The following PER2 variants were observed in gnomAD, a reference collection of about 807,000 sequenced individuals.
The protein encoded by PER2 is period circadian protein homolog 2.
A neutral mutation model predicts 121.0 loss-of-function variants in PER2; 66 were observed. The ratio of observed to expected loss-of-function variants is 0.55; its 90% CI spans 0.45 to 0.67. PER2 has a LOEUF of 0.67. PER2 is among the 30% of genes least tolerant of loss of function. The pLI, the probability that PER2 is intolerant of heterozygous loss-of-function variation, is 0.00. For synonymous variants in PER2, 684 were observed against 659.9 expected, an observed-to-expected ratio of 1.04 and a Z score of -0.56; for missense variants, 1,521 against 1,635.0, an observed-to-expected ratio of 0.93 and a Z score of 1.20.
rs765748526 is a variant in PER2, at chr2:238,257,105, G to A, written c.1901-19C>T. 5 of 1,607,552 alleles carry A rather than the reference G, an allele frequency of 3.1e-6. No individual in the cohort carries two copies. The highest frequency in any genetic ancestry group is 4.2e-6 in the Non-Finnish European group (5 of 1,179,192). On this transcript the variant is annotated intron_variant, in intron 16 of 22. Coordinates refer to ENST00000254657, the MANE Select transcript of PER2 (RefSeq NM_022817.3). ...TCTGCCTCTTCATGAGAGGAAGGGG[G>A]AACAAACATTAGTGTGTCATTACAA...
In PER2 at chr2:238,275,789, C is replaced by A; in HGVS notation, c.402G>T (p.Thr134=). The change falls in exon 4 of 23, where the codon ACG becomes ACT. Residue 134 remains threonine, a synonymous_variant. Coordinates refer to ENST00000254657, the MANE Select transcript of PER2 (RefSeq NM_022817.3). Reference sequence around the variant, plus strand: ...TGAGGGCGTACTTCAAGGTGGCCAGCGTACTGGCCTTGCCCTTGGCCTTCT... The same window carrying A: ...TGAGGGCGTACTTCAAGGTGGCCAGAGTACTGGCCTTGCCCTTGGCCTTCT... ...ADKKAKGKAS[T]LATLKYALRS... 1 of 1,614,052 alleles carries A rather than the reference C, an allele frequency of 6.2e-7. No homozygotes were observed. Among genetic ancestry groups the A allele is most frequent in the Admixed American group, 1.7e-5 (1 of 60,038 alleles).
chr2:238,293,983 G>A (rs528779566), upstream of PER2, among the ~76,000 whole-genome samples: 2 of 152,116 alleles, frequency 1.3e-5, no homozygotes, highest in Admixed American at 6.5e-5. Context: ...ACCCCTCACT[G>A]TCCTGAAGGA....
chr2:238,256,004 G>T (rs1319652039), intron 17 of PER2, 93 bp from the exon 18 acceptor site: 9 of 1,472,106 alleles, frequency 6.1e-6, no homozygotes, highest in Non-Finnish European at 8.5e-6. Flanking sequence ...AATCATTCAC[G>T]TATAAAGTAA....
chr2:238,260,507 C>T (rs1231483196), intron 13 of PER2, among the ~76,000 whole-genome samples: 4 of 152,196 alleles, frequency 2.6e-5, no homozygotes, highest in African/African-American at 9.6e-5. Context: ...CCGCCTGCCT[C>T]GGCCTTCCAA....
chr2:238,257,560 G>A (rs1410008368), intron 16 of PER2, among the ~76,000 whole-genome samples: 2 of 152,166 alleles, frequency 1.3e-5, no homozygotes, highest in African/African-American at 2.4e-5. Flanking sequence ...TGCAACCTCC[G>A]CCTGCCAGGT....
chr2:238,299,733 C>G, the PER2 span: 1 of 152,222 alleles, frequency 6.6e-6, no homozygotes, highest in Non-Finnish European at 1.5e-5. Flanking sequence ...TTCTCAGAAG[C>G]CTCCAAGCCA....
In PER2 at chr2:238,249,298, T is replaced by A. The variant is rs182346317; in HGVS notation, c.3468-86A>T. On this transcript the variant is annotated intron_variant, in intron 21 of 22. Transcript: ENST00000254657. ...TCTTTCAGAATAATGTAGTTTTAGA[T>A]GATTTTGTTTAATGCAAATTTCCTT... 13 of 1,390,252 alleles carry A rather than the reference T, an allele frequency of 9.4e-6. No homozygotes were observed. In the African/African-American group the frequency reaches 1.7e-4, roughly 19 times the overall value. The allele number at this position is 1,390,252 out of a possible 1,614,324, so 86.1% of individuals were successfully genotyped here. A position where few individuals can be genotyped will look rare whatever the true frequency, so the allele number is the denominator to read the frequency against.
In PER2 at chr2:238,246,478, G is replaced by A; in HGVS notation, c.3665C>T (p.Pro1222Leu). Residue 1222 changes from proline to leucine, a missense_variant, in exon 23 of 23, where the codon CCA becomes CTA. Physicochemically the swap from Pro to Leu is moderately conservative, Grantham distance 98. Transcript: ENST00000254657. ...ENKEKGNICI[P>L]YEEDIPSLGL... ...CAGAGAAGGAATATCTTCCTCATAT[G>A]GTATGCAAATATTACCTTTTTCCTT... The A allele has an allele frequency of 6.3e-7, 1 of 1,590,914 alleles. No homozygotes were observed. Among genetic ancestry groups the A allele is most frequent in the Non-Finnish European group, 8.6e-7 (1 of 1,159,024 alleles).
chr2:238,249,301 TTTTG>T (rs1695536187), intron 21 of PER2, 89 bp from the exon 22 acceptor site: 9 of 1,358,298 alleles, frequency 6.6e-6, no homozygotes, highest in Middle Eastern at 2.4e-4. Flanking sequence ...TTTTAGATGA[TTTTG>T]TTTAATGCAA....
chr2:238,266,434 C>G (rs4663299), intron 8 of PER2, among the ~76,000 whole-genome samples: 16,571 of 152,060 alleles, frequency 0.11, 944 homozygotes, highest in South Asian at 0.14. Context: ...ATTCAGATTT[C>G]TTAGCAAATG....
At chr2:238,256,833 C>A in intron 17 of PER2, 89 bp downstream of exon 17, 1 of 1,344,374 alleles carries the variant, frequency 7.4e-7, no homozygotes. Flanking sequence ...TGGAGTTCTT[C>A]TGCACTTAGA....
In PER2 at chr2:238,244,618, TAC is replaced by T. The variant is rs1368392030; in HGVS notation, c.*1755_*1756del. ...TATCATAGGCATAGGCAGCTGATGTTACTTTGTAAATTAACGAAAAATTAAAG... is the reference window on the plus strand; with the variant it reads ...TATCATAGGCATAGGCAGCTGATGTTTTTGTAAATTAACGAAAAATTAAAG... On this transcript the variant is annotated 3_prime_UTR_variant, in exon 23 of 23. Transcript: ENST00000254657. The T allele has an allele frequency of 2.0e-5, 3 of 152,250 alleles. No homozygotes were observed. The highest frequency in any genetic ancestry group is 7.2e-5 in the African/African-American group (3 of 41,460). The allele number at this position is 152,250 out of a possible 1,614,324, so 9.4% of individuals were successfully genotyped here.
In PER2 at chr2:238,246,533, A is replaced by G; in HGVS notation, c.3619-9T>C. ...TCACAGTAAACACATTCCTTAAAAG[A>G]AAAAAAAAGAGAAATCAGTAACAAA... is the stretch of plus-strand genomic sequence containing the variant. On this transcript the variant is annotated splice_polypyrimidine_tract_variant and intron_variant, in intron 22 of 22. Transcript: ENST00000254657. 6.7e-7 allele frequency: 1 copy of G among 1,493,720 alleles called. No individual in the cohort carries two copies. Among genetic ancestry groups the G allele is most frequent in the East Asian group, 2.3e-5 (1 of 43,482 alleles). The allele number at this position is 1,493,720 out of a possible 1,614,324, so 92.5% of individuals were successfully genotyped here.
At chr2:238,295,783 T>C in the PER2 span, 1 of 165,756 alleles carries the variant, frequency 6.0e-6, no homozygotes, top group Non-Finnish European at 1.3e-5. Context: ...CCCTACCCAC[T>C]CCCCAGGCCA....
intron 20 of PER2, among the ~76,000 whole-genome samples, chr2:238,251,244 A>G (rs1333845238): frequency 6.6e-6 from 1 of 152,264 alleles, no homozygotes; most frequent in Admixed American, 6.5e-5. Context: ...GAAAGATCCC[A>G]GCGGGTAGAG....
intron 1 of PER2, among the ~76,000 whole-genome samples, chr2:238,287,079 C>G (rs1474260409): frequency 6.6e-6 from 1 of 152,190 alleles, no homozygotes; most frequent in African/African-American, 2.4e-5. Context: ...AACTGAGGCC[C>G]AGACTGGGAG....
chr2:238,268,267 C>A lies in PER2; in HGVS notation c.825-69G>T. On this transcript the variant is annotated intron_variant, in intron 7 of 22. Transcript: ENST00000254657. The surrounding 1 kb of genome is among the most constrained non-coding windows in gnomAD (Gnocchi z 4.0). ...GAACAGTCCCCTGTTCTGTTCCCTC[C>A]TCACCTGGGCCCCATGCCATGCTGC... 6.6e-7 allele frequency: 1 copy of A among 1,508,332 alleles called. No homozygotes were observed. 93.4% of individuals were successfully genotyped at this position (1,508,332 alleles called of 1,614,324 possible).
chr2:238,249,345 T>C, intron 21 of PER2, 133 bp from the exon 22 acceptor site: 1 of 835,970 alleles, frequency 1.2e-6, no homozygotes, highest in Non-Finnish European at 1.9e-6. Context: ...AATTTTCATT[T>C]AAGGTAACTT....
At chr2:238,255,007 C>CA (rs11450786) in intron 18 of PER2, 9,243 of 153,998 alleles carry the variant, frequency 0.06, 971 homozygotes, top group African/African-American at 0.21. Flanking sequence ...GGCCCCATCT[C>CA]TAACAAGTGT....
Sources: gnomAD v4.1 joint callset for allele counts (sites outside exome capture counted in the v4.1 genomes callset) on GRCh38, gnomAD v4.1.1 for gene constraint, Gnocchi (gnomAD v3.1) non-coding constraint, MANE v1.5 for transcripts, NCBI Gene and HGNC (gene_info 2026-07-23, HGNC 2026-07-21) for gene names.